The following TKFC variants were observed in gnomAD, a reference collection of about 807,000 sequenced individuals.
TKFC encodes triokinase and FMN cyclase, also known as triokinase/FMN cyclase.
TKFC carries 46 observed loss-of-function variants against 61.0 expected under a neutral mutation model. The observed-to-expected ratio is 0.75, with a 90% confidence interval of 0.60 to 0.96. TKFC has a LOEUF of 0.96. TKFC is among the 50% of genes least tolerant of loss of function. The pLI is 0.00. For missense variants in TKFC, 715 were observed against 777.5 expected, an observed-to-expected ratio of 0.92 and a Z score of 0.96; for synonymous variants, 314 against 330.1, an observed-to-expected ratio of 0.95 and a Z score of 0.53.
chr11:61,342,277 A>G, intron 7 of TKFC, 184 bp from the exon 8 acceptor site: 1 of 756,888 alleles, frequency 1.3e-6, no homozygotes, highest in South Asian at 1.6e-5. Context: ...AGTTAAAGCT[A>G]TCTCCACCAC....
chr11:61,342,593 T>C lies in TKFC; in HGVS notation c.710T>C (p.Ile237Thr). 1 of 1,614,018 alleles carries C rather than the reference T, an allele frequency of 6.2e-7. No individual in the cohort carries two copies. Among genetic ancestry groups the C allele is most frequent in the Non-Finnish European group, 8.5e-7 (1 of 1,180,024 alleles). ...RRIKMATADE[I>T]VKLMLDHMTN... ...TGACAGATGGCAACCGCCGATGAGATTGTGAAACTCATGCTCGACCACATG... is the reference window on the plus strand; with the variant it reads ...TGACAGATGGCAACCGCCGATGAGACTGTGAAACTCATGCTCGACCACATG... The change falls in exon 9 of 18, where the codon ATT (isoleucine) becomes ACT (threonine). Residue 237 changes from isoleucine to threonine, a missense_variant. Transcript: ENST00000394900.
rs1491382738 is a variant in TKFC, at chr11:61,345,655, C to CA, written c.1452-56dup. The CA allele has an allele frequency of 2.5e-6, 4 of 1,613,056 alleles. No individual in the cohort carries two copies. In the African/African-American group the frequency reaches 4.0e-5, roughly 16 times the overall value. ...CCCTGCCAGGCCCTAGCCCAACCCT[C>CA]AGAGTGATTCCCTTGGTTCCCTATA... On this transcript the variant is annotated intron_variant, in intron 15 of 17. Coordinates refer to ENST00000394900, the MANE Select transcript of TKFC (RefSeq NM_015533.4).
At chr11:61,339,604 A>T (rs892004560) in intron 5 of TKFC, 169 bp downstream of exon 5, 1 of 729,658 alleles carries the variant, frequency 1.4e-6, no homozygotes, top group Admixed American at 3.1e-5. Flanking sequence ...ACCTAAGCCC[A>T]GATACAGGCA....
At chr11:61,334,821 CTG>C in intron 2 of TKFC, 90 bp downstream of exon 2, 1 of 1,581,660 alleles carries the variant, frequency 6.3e-7, no homozygotes, top group Non-Finnish European at 8.7e-7. Flanking sequence ...TACACTTTGA[CTG>C]AGAGATGCTA....
At chr11:61,350,405 C>A, downstream of TKFC, 1 of 1,610,938 alleles carries the variant, frequency 6.2e-7, no homozygotes, top group South Asian at 1.1e-5. Context: ...TGCTTCACTC[C>A]CCATCATGCA....
chr11:61,343,476 G>C lies in TKFC; in HGVS notation c.982+18G>C. The C allele has an allele frequency of 6.2e-7, 1 of 1,610,110 alleles. No homozygotes were observed. Among genetic ancestry groups the C allele is most frequent in the Non-Finnish European group, 8.5e-7 (1 of 1,176,448 alleles). On this transcript the variant is annotated intron_variant, in intron 11 of 17. Transcript: ENST00000394900. ...ACTGATAGGTGAGACTTGGAACCTG[G>C]GGTCACCCAAGCCAGGGCTCCTTGT... is the stretch of plus-strand genomic sequence containing the variant.
In TKFC at chr11:61,348,301, G is replaced by C; in HGVS notation, c.*1798G>C. On this transcript the variant is annotated 3_prime_UTR_variant, in exon 18 of 18. Coordinates refer to ENST00000394900, the MANE Select transcript of TKFC (RefSeq NM_015533.4). The stretch of plus-strand genomic sequence containing the variant: ...ACGTGCCATTAGCTATTAAGGACAC[G>C]CACATAAATGAGCTGCATGTGAATC... 1 of 984,784 alleles carries C rather than the reference G, an allele frequency of 1.0e-6. No individual in the cohort carries two copies. Among genetic ancestry groups the C allele is most frequent in the Non-Finnish European group, 1.2e-6 (1 of 829,820 alleles). The allele number at this position is 984,784 out of a possible 1,614,324, so 61.0% of individuals were successfully genotyped here. A position where few individuals can be genotyped will look rare whatever the true frequency, so the allele number is the denominator to read the frequency against.
At position 61,348,533 on chromosome 11, in the gene TKFC, T is replaced by C; in HGVS notation, c.*2030T>C. On this transcript the variant is annotated 3_prime_UTR_variant, in exon 18 of 18. Transcript: ENST00000394900. ...CCCCCAAATTCCTGTGTTGAAAGGC[T>C]CACCCCCACTATGGTAGTGTTAGGA... 3.1e-6 allele frequency: 3 copies of C among 978,388 alleles called. No homozygotes were observed. Among genetic ancestry groups the C allele is most frequent in the Non-Finnish European group, 3.6e-6 (3 of 823,496 alleles). The allele number at this position is 978,388 out of a possible 1,614,324, so 60.6% of individuals were successfully genotyped here.
intron 13 of TKFC, 69 bp downstream of exon 13, chr11:61,344,342 T>G: frequency 1.4e-6 from 2 of 1,467,898 alleles, no homozygotes; most frequent in Non-Finnish European, 1.8e-6. Context: ...CTTGTTTCCC[T>G]GAAGGCAGGG....
At chr11:61,334,590 C>T (rs534802073) in intron 1 of TKFC, 30 bp from the exon 2 acceptor site, 27 of 1,127,418 alleles carry the variant, frequency 2.4e-5, no homozygotes, top group African/African-American at 1.1e-4. Flanking sequence ...GAGTTCCTTC[C>T]GCAGCTTGTA....
chr11:61,339,689 T>G (rs896389824), intron 5 of TKFC, among the ~76,000 whole-genome samples: 1 of 152,098 alleles, frequency 6.6e-6, no homozygotes, highest in African/African-American at 2.4e-5. Flanking sequence ...CTCCCAAATG[T>G]ACAACACACA....
intron 3 of TKFC, 99 bp from the exon 4 acceptor site, chr11:61,338,964 CAGT>C (rs966050004): frequency 1.0e-6 from 1 of 978,130 alleles, no homozygotes; most frequent in African/African-American, 1.6e-5. Context: ...ACCAAGCACA[CAGT>C]AGGGCTCACC....
Position 61,344,257 on chromosome 11 carries a change from C to T in TKFC, c.1224C>T (p.His408=), listed in dbSNP as rs760875120. The T allele has an allele frequency of 3.6e-5, 58 of 1,612,994 alleles. No individual in the cohort carries two copies. The highest frequency in any genetic ancestry group is 3.0e-4 in the South Asian group (27 of 91,040). The change falls in exon 13 of 18, where the codon CAC becomes CAT. Residue 408 remains histidine (H), a synonymous_variant. Coordinates refer to ENST00000394900, the MANE Select transcript of TKFC (RefSeq NM_015533.4). ...AAGDGDCGTT[H]SRAARAIQEW... ...GTGACGGCGACTGTGGCACCACCCA[C>T]AGCCGTGCGGCCAGAGGTTGGTGCC...
chr11:61,341,704 C>A, intron 6 of TKFC, 119 bp from the exon 7 acceptor site: 1 of 1,268,900 alleles, frequency 7.9e-7, no homozygotes, highest in Non-Finnish European at 1.2e-6. Context: ...GAGAGTCTGG[C>A]AGCCTTTCTC....
chr11:61,333,638 A>T (rs946512618), intron 1 of TKFC: 1 of 152,264 alleles, frequency 6.6e-6, no homozygotes, highest in Non-Finnish European at 1.5e-5. Context: ...TTCAGACTTC[A>T]AAGGGCCCAC....
At chr11:61,342,000 G>GGGAGAGGACCAGGT in intron 7 of TKFC, 88 bp downstream of exon 7, 1 of 1,290,260 alleles carries the variant, frequency 7.8e-7, no homozygotes. Context: ...CATCAACCTG[G>GGGAGAGGACCAGGT]TCCTCTCCCC....
At chr11:61,352,741 G>T (rs573678179), downstream of TKFC, 4 of 1,233,892 alleles carry the variant, frequency 3.2e-6, no homozygotes, top group African/African-American at 6.1e-5. Flanking sequence ...AGGATTAAAT[G>T]TAAGGTGCTT....
rs200763152 is a variant in TKFC, at chr11:61,342,488, G to T, written c.683G>T (p.Arg228Leu). 1 of 1,614,068 alleles carries T rather than the reference G, an allele frequency of 6.2e-7. No individual in the cohort carries two copies. Among genetic ancestry groups the T allele is most frequent in the Non-Finnish European group, 8.5e-7 (1 of 1,180,030 alleles). ...LGIHGEAGVR[R>L]IKMATADEIV... The stretch of plus-strand genomic sequence containing the variant: ...ATCCACGGGGAAGCTGGTGTGCGCC[G>T]GATAAAGGTAGGTGGTCCCTCTGGC... Residue 228 changes from arginine (R) to leucine (L), a missense_variant, in exon 8 of 18, where the codon CGG becomes CTG. Coordinates refer to ENST00000394900, the MANE Select transcript of TKFC (RefSeq NM_015533.4).
chr11:61,345,608 G>T, intron 15 of TKFC, 43 bp downstream of exon 15: 1 of 1,612,010 alleles, frequency 6.2e-7, no homozygotes. Flanking sequence ...TGGGCTGGGG[G>T]AGGTGTTTGG....
Sources: gnomAD v4.1 joint callset for allele counts (sites outside exome capture counted in the v4.1 genomes callset) on GRCh38, gnomAD v4.1.1 for gene constraint, MANE v1.5 for transcripts, NCBI Gene and HGNC (gene_info 2026-07-23, HGNC 2026-07-21) for gene names.